ATIC: variants seen among roughly 807,000 people sequenced by gnomAD.
The protein encoded by ATIC is 5-aminoimidazole-4-carboxamide ribonucleotide formyltransferase/IMP cyclohydrolase.
ATIC carries 64 observed loss-of-function variants against 72.5 expected under a neutral mutation model. The ratio of observed to expected loss-of-function variants is 0.88; its 90% CI spans 0.72 to 1.09. The LOEUF is 1.09. Among genes scored for constraint, ATIC ranks in the 50% least tolerant of loss-of-function variants. The pLI is 0.00. For missense variants in ATIC, 787 were observed against 732.4 expected, an observed-to-expected ratio of 1.07 and a Z score of -0.86; for synonymous variants, 281 against 267.1, an observed-to-expected ratio of 1.05 and a Z score of -0.51.
chr2:215,312,630 G>GCATAGCTAGTT lies in ATIC; in HGVS notation c.146+8_146+18dup, dbSNP rs1467448260. The GCATAGCTAGTT allele has an allele frequency of 6.2e-7, 1 of 1,614,076 alleles. No individual in the cohort carries two copies. Among genetic ancestry groups the GCATAGCTAGTT allele is most frequent in the Non-Finnish European group, 8.5e-7 (1 of 1,180,036 alleles). ...GATGCTGGTCTGGCAGTCAGGTAAG[G>GCATAGCTAGTT]CATAGCTAGTTCCATCAGAAAGGAG... On this transcript the variant is annotated splice_region_variant and intron_variant, in intron 2 of 15. Transcript: ENST00000236959.
chr2:215,367,462 T>G, the ATIC span, among the ~76,000 whole-genome samples: 1 of 152,212 alleles, frequency 6.6e-6, no homozygotes, highest in African/African-American at 2.4e-5. Context: ...GGAGGCTGTT[T>G]TTGAGTCTAA....
downstream of ATIC, among the ~76,000 whole-genome samples, chr2:215,353,764 G>A (rs1388844582): frequency 6.6e-6 from 1 of 152,064 alleles, no homozygotes; most frequent in Non-Finnish European, 1.5e-5. Flanking sequence ...GTTTCAGAAT[G>A]TTAGCCAGGC....
At position 215,331,730 on chromosome 2, in the gene ATIC, G is replaced by A. The variant is rs560984999; in HGVS notation, c.689-652G>A. Among the ~76,000 whole-genome samples, 16 of 148,046 alleles carry A rather than the reference G, an allele frequency of 1.1e-4. No homozygotes were observed. In the East Asian group the frequency reaches 2.9e-3, roughly 27 times the overall value. On this transcript the variant is annotated intron_variant, in intron 7 of 15. Coordinates refer to ENST00000236959, the MANE Select transcript of ATIC (RefSeq NM_004044.7). ...GGCCCACCATTTCTTTCTGTGTGCT[G>A]AACTTCTTATGTTTATTCACAAGAG...
At chr2:215,325,119 T>C in intron 4 of ATIC, 122 bp from the exon 5 acceptor site, 2 of 752,062 alleles carry the variant, frequency 2.7e-6, no homozygotes, top group East Asian at 5.0e-5. Context: ...GCTCACAGTT[T>C]ATATATTAGT....
At chr2:215,334,652 A>G (rs537212450) in intron 9 of ATIC, among the ~76,000 whole-genome samples, 39 of 152,358 alleles carry the variant, frequency 2.6e-4, no homozygotes, top group African/African-American at 8.4e-4. Flanking sequence ...AGCTGAATCC[A>G]GCCTGCCACC....
chr2:215,348,755 G>T, intron 14 of ATIC: 1 of 350,358 alleles, frequency 2.9e-6, no homozygotes, highest in Non-Finnish European at 5.4e-6. Flanking sequence ...GAGGTCAAGA[G>T]ATTGAGACCC....
chr2:215,365,653 G>A, the ATIC span: 1 of 1,613,242 alleles, frequency 6.2e-7, no homozygotes, highest in Non-Finnish European at 8.5e-7. Context: ...GGAAAGTCAG[G>A]ACCAAAAAGT....
chr2:215,316,017 T>C (rs909275594), intron 2 of ATIC, among the ~76,000 whole-genome samples: 1 of 152,006 alleles, frequency 6.6e-6, no homozygotes, highest in African/African-American at 2.4e-5. Flanking sequence ...GGTGTTGTTA[T>C]CTGCAATAAT....
At chr2:215,333,729 A>G (rs1477031467) in intron 9 of ATIC, among the ~76,000 whole-genome samples, 1 of 152,050 alleles carries the variant, frequency 6.6e-6, no homozygotes, top group Non-Finnish European at 1.5e-5. Context: ...CTCAAAATAC[A>G]TTTCTTTATA....
the ATIC span, among the ~76,000 whole-genome samples, chr2:215,367,274 G>A: frequency 3.3e-5 from 5 of 152,212 alleles, no homozygotes; most frequent in East Asian, 3.9e-4. Flanking sequence ...AAATTAAAAC[G>A]TATTAGAATT....
the ATIC span, chr2:215,362,810 C>T: frequency 9.2e-5 from 14 of 152,886 alleles, no homozygotes; most frequent in Admixed American, 9.1e-4. Flanking sequence ...AAAGCAAGCT[C>T]ATGGAGGTCA....
chr2:215,326,708 C>A, intron 6 of ATIC, 114 bp from the exon 7 acceptor site: 2 of 1,291,966 alleles, frequency 1.5e-6, no homozygotes, highest in Non-Finnish European at 2.2e-6. Context: ...GTTGTGCAGC[C>A]ACCACATAGC....
At chr2:215,323,945 A>G (rs898874597) in intron 4 of ATIC, among the ~76,000 whole-genome samples, 1 of 152,102 alleles carries the variant, frequency 6.6e-6, no homozygotes, top group African/African-American at 2.4e-5. Context: ...TATTTTTAGT[A>G]GAGATGGGGT....
intron 7 of ATIC, among the ~76,000 whole-genome samples, chr2:215,331,413 G>A (rs1457872348): frequency 6.0e-5 from 8 of 132,988 alleles, no homozygotes; most frequent in African/African-American, 2.2e-4. Flanking sequence ...ACGGAGTCTC[G>A]CTCTTGTTGG....
intron 13 of ATIC, 79 bp downstream of exon 13, chr2:215,344,950 T>C (rs1297518552): frequency 7.1e-7 from 1 of 1,410,682 alleles, no homozygotes; most frequent in East Asian, 2.3e-5. Flanking sequence ...GCCTTAGATA[T>C]TGGACAGCTT....
At chr2:215,345,621 C>T (rs2053063186) in intron 13 of ATIC, 1 of 152,550 alleles carries the variant, frequency 6.6e-6, no homozygotes, top group Non-Finnish European at 1.5e-5. Flanking sequence ...ATTATTTGGC[C>T]CACAAGTGAC....
At chr2:215,334,453 C>G (rs1390384812) in intron 9 of ATIC, among the ~76,000 whole-genome samples, 4 of 152,124 alleles carry the variant, frequency 2.6e-5, no homozygotes, top group Non-Finnish European at 4.4e-5. Flanking sequence ...GCCTCAGCCT[C>G]CCAGAGGGCT....
chr2:215,328,391 C>A (rs1458776576), intron 7 of ATIC, among the ~76,000 whole-genome samples: 1 of 152,130 alleles, frequency 6.6e-6, no homozygotes, highest in Non-Finnish European at 1.5e-5. Context: ...CCCCACAAAC[C>A]CTGTGCTGCC....
chr2:215,347,391 A>G (rs2053082906), intron 14 of ATIC, among the ~76,000 whole-genome samples: 1 of 152,108 alleles, frequency 6.6e-6, no homozygotes, highest in South Asian at 2.1e-4. Flanking sequence ...ATGTGCCATT[A>G]ATAACTTGAT....
Sources: gnomAD v4.1 joint callset for allele counts (sites outside exome capture counted in the v4.1 genomes callset) on GRCh38, gnomAD v4.1.1 for gene constraint, MANE v1.5 for transcripts, NCBI Gene and HGNC (gene_info 2026-07-23, HGNC 2026-07-21) for gene names.